Variants in ADAMTSL1 observed in about 807,000 individuals in gnomAD.
ADAMTSL1 encodes the protein ADAMTS like 1.
A neutral mutation model predicts 201.8 loss-of-function variants in ADAMTSL1; 126 were observed. That is an observed-to-expected ratio of 0.62 (90% CI 0.54 to 0.72). ADAMTSL1 has a LOEUF of 0.72. Among genes scored for constraint, ADAMTSL1 ranks in the 30% least tolerant of loss-of-function variants. The pLI is 0.00. For synonymous variants in ADAMTSL1, 1,121 were observed against 903.4 expected (o/e 1.24, Z -4.32); for missense variants, 2,679 against 2,277.8 (o/e 1.18, Z -3.59).
intron 7 of ADAMTSL1, among the ~76,000 whole-genome samples, chr9:18,648,747 C>T (rs1441151205): frequency 0.02 from 3,003 of 149,052 alleles, 1 homozygote; most frequent in African/African-American, 0.072. Flanking sequence ...GAGTTTCTGC[C>T]GAGAGATCCG....
intron 1 of ADAMTSL1, among the ~76,000 whole-genome samples, chr9:17,936,135 T>C (rs1826999669): frequency 6.6e-6 from 1 of 152,178 alleles, no homozygotes; most frequent in South Asian, 2.1e-4. Flanking sequence ...GCTCCCCTGA[T>C]TTGGGGCCAA....
At chr9:18,626,089 GC>G (rs773133798) in intron 5 of ADAMTSL1, among the ~76,000 whole-genome samples, 29 of 152,118 alleles carry the variant, frequency 1.9e-4, no homozygotes, top group Non-Finnish European at 3.8e-4. Context: ...ATTTCCACCT[GC>G]CCCTGGCTGC....
chr9:18,504,784 G>C (rs959599350), intron 1 of ADAMTSL1, 45 bp from the exon 2 acceptor site: 3 of 1,613,902 alleles, frequency 1.9e-6, no homozygotes, highest in African/African-American at 1.3e-5. Flanking sequence ...ATGTTTCAGG[G>C]TTCCATGGGG....
intron 3 of ADAMTSL1, among the ~76,000 whole-genome samples, chr9:18,534,317 C>T (rs1483177064): frequency 6.6e-6 from 1 of 151,940 alleles, no homozygotes; most frequent in East Asian, 1.9e-4. Context: ...TCCCTTTAGC[C>T]CAGGAGTTCA....
At chr9:18,408,845 G>T (rs541178343) in intron 2 of ADAMTSL1, among the ~76,000 whole-genome samples, 1 of 152,252 alleles carries the variant, frequency 6.6e-6, no homozygotes, top group South Asian at 2.1e-4. Flanking sequence ...AATATGTTCT[G>T]CTGTGATAGA....
intron 1 of ADAMTSL1, among the ~76,000 whole-genome samples, chr9:18,015,102 A>G (rs1820203274): frequency 6.6e-6 from 1 of 152,072 alleles, no homozygotes; most frequent in Non-Finnish European, 1.5e-5. Context: ...CCATAGCCAC[A>G]TGGGGCAGGT....
chr9:18,728,037 G>A (rs1338854947), intron 15 of ADAMTSL1, among the ~76,000 whole-genome samples: 1 of 151,888 alleles, frequency 6.6e-6, no homozygotes, highest in Admixed American at 6.6e-5. Context: ...CCAAGATCAT[G>A]CCATTGCACT....
intron 2 of ADAMTSL1, among the ~76,000 whole-genome samples, chr9:18,205,392 G>A (rs1357963666): frequency 3.3e-5 from 5 of 151,904 alleles, no homozygotes; most frequent in Non-Finnish European, 7.4e-5. Flanking sequence ...GCATTTCCAA[G>A]ACAAACTTAT....
chr9:18,889,011 T>C (rs923951889), intron 24 of ADAMTSL1, among the ~76,000 whole-genome samples: 2 of 152,228 alleles, frequency 1.3e-5, no homozygotes, highest in Non-Finnish European at 2.9e-5. Flanking sequence ...CCATCTCACC[T>C]ATCAGTGAGT....
chr9:18,538,974 G>A (rs775529367), intron 3 of ADAMTSL1, among the ~76,000 whole-genome samples: 28 of 152,094 alleles, frequency 1.8e-4, no homozygotes, highest in African/African-American at 5.8e-4. Flanking sequence ...AGATGCTCTA[G>A]TAAATAATAA....
At chr9:18,547,237 CA>C (rs1327537745) in intron 3 of ADAMTSL1, among the ~76,000 whole-genome samples, 1 of 151,984 alleles carries the variant, frequency 6.6e-6, no homozygotes, top group Non-Finnish European at 1.5e-5. Flanking sequence ...GGATTTGATG[CA>C]GAGTAAGTTA....
intron 2 of ADAMTSL1, among the ~76,000 whole-genome samples, chr9:18,514,122 A>G (rs1040825515): frequency 6.6e-5 from 10 of 152,180 alleles, no homozygotes; most frequent in South Asian, 2.1e-4. Flanking sequence ...CACTCCATGA[A>G]CATGGAAGGT....
At chr9:18,387,595 T>C (rs1012819411) in intron 2 of ADAMTSL1, among the ~76,000 whole-genome samples, 7 of 152,218 alleles carry the variant, frequency 4.6e-5, no homozygotes, top group African/African-American at 1.7e-4. Context: ...AAATCATGTT[T>C]TTGAGATTTA....
chr9:18,290,391 C>G (rs574071700), intron 2 of ADAMTSL1, among the ~76,000 whole-genome samples: 1 of 151,874 alleles, frequency 6.6e-6, no homozygotes, highest in South Asian at 2.1e-4. Flanking sequence ...ATTTGGTGTG[C>G]TGAGCCAATG....
At chr9:18,458,772 G>A (rs139442162) in intron 2 of ADAMTSL1, among the ~76,000 whole-genome samples, 2 of 151,994 alleles carry the variant, frequency 1.3e-5, no homozygotes, top group Non-Finnish European at 2.9e-5. Flanking sequence ...GGTAATTATG[G>A]GTAATTTGTT....
At chr9:18,828,695 A>ATG (rs59734310) in intron 22 of ADAMTSL1, among the ~76,000 whole-genome samples, 1 of 40,250 alleles carries the variant, frequency 2.5e-5, no homozygotes, top group African/African-American at 9.6e-5. Flanking sequence ...TATATATATA[A>ATG]AATGTGTGTG....
At chr9:18,316,720 A>G (rs1305301426) in intron 2 of ADAMTSL1, among the ~76,000 whole-genome samples, 2 of 152,170 alleles carry the variant, frequency 1.3e-5, no homozygotes, top group Non-Finnish European at 2.9e-5. Context: ...CTGAGGCGAC[A>G]TACATCCTGC....
At chr9:18,721,370 T>C (rs1345326837) in intron 14 of ADAMTSL1, among the ~76,000 whole-genome samples, 166 bp from the exon 15 acceptor site, 1 of 152,210 alleles carries the variant, frequency 6.6e-6, no homozygotes, top group Non-Finnish European at 1.5e-5. Flanking sequence ...GCTCAAGTGA[T>C]GCTTGACAAG....
At chr9:18,740,503 G>A (rs1818767428) in intron 15 of ADAMTSL1, among the ~76,000 whole-genome samples, 1 of 123,732 alleles carries the variant, frequency 8.1e-6, no homozygotes, top group East Asian at 2.3e-4. Flanking sequence ...TTTGAGAGGA[G>A]TCTCCCTCTG....
Sources: allele counts gnomAD v4.1 joint callset (sites outside exome capture counted in the v4.1 genomes callset), GRCh38; gene constraint gnomAD v4.1.1; transcripts MANE v1.5; gene names NCBI Gene and HGNC (gene_info 2026-07-23, HGNC 2026-07-21).